SORCS2: variants seen among roughly 807,000 people sequenced by gnomAD.
SORCS2 encodes the protein sortilin related VPS10 domain containing receptor 2.
A neutral mutation model predicts 141.6 loss-of-function variants in SORCS2; 100 were observed. That is an observed-to-expected ratio of 0.71 (90% CI 0.60 to 0.83). SORCS2 has a LOEUF of 0.83. Ranked by LOEUF, SORCS2 falls within the 40% of genes least tolerant of loss-of-function variation. The pLI is 0.00. For synonymous variants in SORCS2, 789 were observed against 676.9 expected, an observed-to-expected ratio of 1.17 and a Z score of -2.57; for missense variants, 1,646 against 1,560.2, an observed-to-expected ratio of 1.05 and a Z score of -0.93.
chr4:7,445,058 C>T (rs904025944), intron 2 of SORCS2, among the ~76,000 whole-genome samples: 8 of 151,924 alleles, frequency 5.3e-5, no homozygotes, highest in Non-Finnish European at 1.0e-4. Flanking sequence ...ACCATTGCTG[C>T]GGGTGGCAAG....
intron 3 of SORCS2, among the ~76,000 whole-genome samples, chr4:7,586,799 T>C (rs542366710): frequency 2.6e-5 from 4 of 152,320 alleles, no homozygotes; most frequent in African/African-American, 9.6e-5. Flanking sequence ...GATATGTTTC[T>C]TTCAGTCTTT....
chr4:7,667,815 C>T (rs906207896), intron 8 of SORCS2, among the ~76,000 whole-genome samples: 6 of 152,212 alleles, frequency 3.9e-5, no homozygotes, highest in Admixed American at 2.0e-4. Flanking sequence ...TGCCTTGGGG[C>T]CTCTCTCCAC....
At chr4:7,439,771 C>T (rs968215232) in intron 2 of SORCS2, among the ~76,000 whole-genome samples, 1 of 152,194 alleles carries the variant, frequency 6.6e-6, no homozygotes, top group South Asian at 2.1e-4. Context: ...GTGTGGCTTT[C>T]TCACACTCTA....
intron 1 of SORCS2, among the ~76,000 whole-genome samples, chr4:7,366,470 C>T (rs1001178830): frequency 1.4e-3 from 14 of 10,198 alleles, no homozygotes; most frequent in Non-Finnish European, 4.3e-3. Context: ...CTTTAGCGTG[C>T]CCCTCCCCCC....
At chr4:7,293,083 T>TGG (rs1716723303) in intron 1 of SORCS2, among the ~76,000 whole-genome samples, 1 of 151,916 alleles carries the variant, frequency 6.6e-6, no homozygotes, top group Non-Finnish European at 1.5e-5. Context: ...GGCGGGCGGA[T>TGG]CATGAGGTCA....
intron 1 of SORCS2, among the ~76,000 whole-genome samples, chr4:7,391,622 C>T (rs369308912): frequency 6.6e-6 from 1 of 152,232 alleles, no homozygotes; most frequent in South Asian, 2.1e-4. Flanking sequence ...TCTGAGGGAG[C>T]GAGCAGGCCC....
rs1720369731 is a variant in SORCS2 at position 7,341,560 on chromosome 4, G to T, written c.481-54728G>T. On this transcript the variant is annotated intron_variant, in intron 1 of 26. Transcript: ENST00000507866. ...TGCCCATGCTGCCTGGATGAACAAG[G>T]GACCAGGAACTGTTTTCTGAAGTGT... Among the ~76,000 whole-genome samples the T allele has an allele frequency of 3.3e-5, 5 of 152,204 alleles. No homozygotes were observed. The South Asian group carries it at 8.3e-4, about 25-fold the overall frequency.
Position 7,528,411 on chromosome 4 carries a change from T to TTG in SORCS2, c.549-3118_549-3117insGT, listed in dbSNP as rs1553879262. Among the ~76,000 whole-genome samples the TTG allele has an allele frequency of 1.2e-3, 189 of 151,244 alleles. 1 individual carries two copies. The Middle Eastern group carries it at 0.02, about 16-fold the overall frequency. ...CACTGGCAGCTGCTACGTTTTTTTT[T>TTG]TTGTTGTTGTTTTTTGTTTGTTTGT... is the stretch of plus-strand genomic sequence containing the variant. On this transcript the variant is annotated intron_variant, in intron 2 of 26. Transcript: ENST00000507866.
At chr4:7,655,635 A>G (rs1002619205) in intron 5 of SORCS2, among the ~76,000 whole-genome samples, 2 of 152,274 alleles carry the variant, frequency 1.3e-5, no homozygotes, top group Admixed American at 6.5e-5. Context: ...CTGTCTGCGG[A>G]TTGCCCACGG....
chr4:7,500,209 G>A (rs994662092), intron 2 of SORCS2, among the ~76,000 whole-genome samples: 1 of 152,102 alleles, frequency 6.6e-6, no homozygotes, highest in Admixed American at 6.5e-5. Context: ...TCCCCTGCAC[G>A]AGCTGCCCAG....
chr4:7,595,542 A>G (rs1274029560), intron 3 of SORCS2, among the ~76,000 whole-genome samples: 2 of 59,346 alleles, frequency 3.4e-5, no homozygotes, highest in Non-Finnish European at 3.5e-5. Context: ...CCCGCCCCGC[A>G]CCAGCCATCT....
intron 6 of SORCS2, among the ~76,000 whole-genome samples, chr4:7,662,235 C>A (rs1384214782): frequency 3.4e-5 from 5 of 148,648 alleles, no homozygotes; most frequent in African/African-American, 1.2e-4. Context: ...CCCCCCCCTC[C>A]CCCACCCCCA....
intron 2 of SORCS2, among the ~76,000 whole-genome samples, chr4:7,460,439 C>G (rs1443008886): frequency 1.3e-5 from 2 of 152,232 alleles, no homozygotes; most frequent in African/African-American, 4.8e-5. Flanking sequence ...GCTCGGTGGT[C>G]AAAAGGCAGC....
At chr4:7,691,348 C>T (rs1041882322) in intron 11 of SORCS2, among the ~76,000 whole-genome samples, 1 of 152,150 alleles carries the variant, frequency 6.6e-6, no homozygotes, top group Non-Finnish European at 1.5e-5. Context: ...GTTGTGATGG[C>T]AGGAATGGCC....
intron 3 of SORCS2, among the ~76,000 whole-genome samples, chr4:7,586,649 A>C (rs1456465193): frequency 6.6e-6 from 1 of 152,216 alleles, no homozygotes; most frequent in African/African-American, 2.4e-5. Flanking sequence ...GTCCCGGCAA[A>C]GGACATGAAC....
At chr4:7,359,554 C>A (rs1721456773) in intron 1 of SORCS2, among the ~76,000 whole-genome samples, 1 of 152,234 alleles carries the variant, frequency 6.6e-6, no homozygotes, top group East Asian at 1.9e-4. Context: ...GGGCCGACGT[C>A]CTTGTCTGCA....
intron 2 of SORCS2, among the ~76,000 whole-genome samples, chr4:7,408,620 C>T (rs1725124084): frequency 6.6e-6 from 1 of 152,070 alleles, no homozygotes; most frequent in South Asian, 2.1e-4. Flanking sequence ...CTCTGACCTT[C>T]CTGTACCTGG....
chr4:7,516,364 T>C (rs1378391477), intron 2 of SORCS2, among the ~76,000 whole-genome samples: 1 of 152,138 alleles, frequency 6.6e-6, no homozygotes, highest in Non-Finnish European at 1.5e-5. Flanking sequence ...TGAACCTCCC[T>C]TCCCTCCCAT....
At chr4:7,254,102 G>A (rs1255668178) in intron 1 of SORCS2, among the ~76,000 whole-genome samples, 1 of 152,214 alleles carries the variant, frequency 6.6e-6, no homozygotes, top group Non-Finnish European at 1.5e-5. Flanking sequence ...AGCCACTGTG[G>A]AAAACAGTAT....
Sources: allele counts gnomAD v4.1 joint callset (sites outside exome capture counted in the v4.1 genomes callset), GRCh38; gene constraint gnomAD v4.1.1; transcripts MANE v1.5; gene names NCBI Gene and HGNC (gene_info 2026-07-23, HGNC 2026-07-21).